The following ANKRD44 variants were observed in gnomAD, a reference collection of about 807,000 sequenced individuals.
The protein encoded by ANKRD44 is serine/threonine-protein phosphatase 6 regulatory ankyrin repeat subunit B.
A neutral mutation model predicts 116.0 loss-of-function variants in ANKRD44; 35 were observed. That is an observed-to-expected ratio of 0.30 (90% CI 0.23 to 0.40). The LOEUF (loss-of-function observed/expected upper bound fraction) is 0.40, where lower values mean the gene tolerates loss of function less well. Ranked by LOEUF, ANKRD44 falls within the 10% of genes least tolerant of loss-of-function variation. The probability of loss-of-function intolerance (pLI) is 1.00; values close to 1 mark genes in which losing one functional copy is unlikely to be tolerated. For synonymous variants in ANKRD44, 435 were observed against 461.8 expected, an observed-to-expected ratio of 0.94 and a Z score of 0.74; for missense variants, 1,014 against 1,242.6, an observed-to-expected ratio of 0.82 and a Z score of 2.77.
At chr2:197,009,389 C>A (rs1311087754) in intron 18 of ANKRD44, among the ~76,000 whole-genome samples, 5 of 147,372 alleles carry the variant, frequency 3.4e-5, no homozygotes, top group Non-Finnish European at 7.5e-5. Context: ...ACCAAGTGAC[C>A]TTCTGAGACA....
At position 197,122,785 on chromosome 2, in the gene ANKRD44, C is replaced by A. The variant is rs2078886978; in HGVS notation, c.558G>T (p.Leu186Phe). 1 of 1,612,960 alleles carries A rather than the reference C, an allele frequency of 6.2e-7. No individual in the cohort carries two copies. The change falls in exon 7 of 28, where the codon TTG (leucine) becomes TTT (phenylalanine). Residue 186 changes from leucine (L) to phenylalanine (F), a missense_variant. By Grantham distance (22) the Leu-to-Phe change is conservative (BLOSUM62 0). Coordinates refer to ENST00000282272, the MANE Select transcript of ANKRD44 (RefSeq NM_001195144.2). The stretch of plus-strand genomic sequence containing the variant: ...GGTTAATGAGCAATGCTACAACATC[C>A]AAGTGGCCTTTACAAACAAAGCAGC... ...ALHWAAYMGH[L>F]DVVALLINHG...
rs146367898 is a variant in ANKRD44, at chr2:197,095,516, G to C, written c.1100+4300C>G. Among the ~76,000 whole-genome samples the C allele has an allele frequency of 3.0e-3, 452 of 152,278 alleles. 1 individual carries two copies. The highest frequency in any genetic ancestry group is 5.2e-3 in the Non-Finnish European group (356 of 68,026). ...CTTGCAGTGTATATTGAACTCTAAA[G>C]AGCCTGCACCTCAGCCACCAGGACC... On this transcript the variant is annotated intron_variant, in intron 10 of 27. Coordinates refer to ENST00000282272, the MANE Select transcript of ANKRD44 (RefSeq NM_001195144.2).
Position 197,013,152 on chromosome 2 carries a change from CCTG to C in ANKRD44, c.1924+356_1924+358del, listed in dbSNP as rs1454350848. On this transcript the variant is annotated intron_variant, in intron 18 of 27. Transcript: ENST00000282272. ...ATATGAATATGAAATAGCCATAAAA[CCTG>C]CTATTGGTTTTATGCTTTCAAATAC... Among the ~76,000 whole-genome samples, 5 of 152,120 alleles carry C rather than the reference CCTG, an allele frequency of 3.3e-5. No homozygotes were observed. The East Asian group carries it at 9.6e-4, about 29-fold the overall frequency.
At chr2:197,067,272 C>T (rs1017496644) in intron 16 of ANKRD44, among the ~76,000 whole-genome samples, 26 of 152,114 alleles carry the variant, frequency 1.7e-4, no homozygotes, top group Non-Finnish European at 2.9e-4. Flanking sequence ...ACATCTTATA[C>T]AAAAATTAAT....
intron 3 of ANKRD44, 65 bp from the exon 4 acceptor site, chr2:197,136,727 C>T: frequency 7.3e-7 from 1 of 1,375,598 alleles, no homozygotes; most frequent in Non-Finnish European, 1.0e-6. Context: ...GACGTTAAAT[C>T]AAATGCTGTA....
intron 1 of ANKRD44, among the ~76,000 whole-genome samples, chr2:197,284,875 G>T (rs1004279986): frequency 2.9e-5 from 4 of 140,150 alleles, no homozygotes; most frequent in African/African-American, 7.7e-5. Context: ...AACAGAGCAA[G>T]ACTCCATCTC....
At chr2:197,033,686 T>C (rs1371617328) in intron 16 of ANKRD44, among the ~76,000 whole-genome samples, 1 of 151,622 alleles carries the variant, frequency 6.6e-6, no homozygotes, top group Non-Finnish European at 1.5e-5. Context: ...TTTTAAGTAT[T>C]TGGGTCTGTT....
rs2082246248 is a variant in ANKRD44, at chr2:197,248,578, G to GCA, written c.28-61473_28-61472insTG. Among the ~76,000 whole-genome samples the GCA allele has an allele frequency of 2.2e-4, 32 of 144,256 alleles. 1 individual carries two copies. The highest frequency in any genetic ancestry group is 8.1e-4 in the African/African-American group (30 of 37,260). The allele number at this position is 144,256 out of a possible 152,430, so 94.6% of individuals were successfully genotyped here. A position where few individuals can be genotyped will look rare whatever the true frequency, so the allele number is the denominator to read the frequency against. ...TATGTGTGTGTGTGTGTGTGTGTGT[G>GCA]TATATATATATATAAAGAGAGAGAT... On this transcript the variant is annotated intron_variant, in intron 1 of 27. Coordinates refer to ENST00000282272, the MANE Select transcript of ANKRD44 (RefSeq NM_001195144.2).
At chr2:197,157,438 G>A (rs2079847664) in intron 2 of ANKRD44, among the ~76,000 whole-genome samples, 1 of 152,134 alleles carries the variant, frequency 6.6e-6, no homozygotes, top group Non-Finnish European at 1.5e-5. Flanking sequence ...ATTTTGGGAG[G>A]CCAAGGTAGG....
At chr2:196,979,554 C>CCT (rs2075785197) in intron 21 of ANKRD44, among the ~76,000 whole-genome samples, 4 of 59,634 alleles carry the variant, frequency 6.7e-5, no homozygotes, top group African/African-American at 2.6e-4. Flanking sequence ...AATAAGATGA[C>CCT]TTTTTTTTTT....
At chr2:196,989,750 C>A in intron 27 of ANKRD44, 101 bp from the exon 28 acceptor site, 1 of 1,515,586 alleles carries the variant, frequency 6.6e-7, no homozygotes, top group Non-Finnish European at 8.9e-7. Context: ...CTACTTTCTG[C>A]TTTCACTTTT....
chr2:196,972,489 A>T (rs375023313), intron 21 of ANKRD44, among the ~76,000 whole-genome samples: 32 of 152,222 alleles, frequency 2.1e-4, no homozygotes, highest in African/African-American at 7.7e-4. Context: ...GGTGTTAGCC[A>T]CCATGCCTGG....
At chr2:197,285,664 G>A (rs547609980) in intron 1 of ANKRD44, among the ~76,000 whole-genome samples, 20 of 152,244 alleles carry the variant, frequency 1.3e-4, no homozygotes, top group South Asian at 2.1e-4. Flanking sequence ...GATTTGCACC[G>A]TTTGCTCATC....
chr2:197,261,810 C>T (rs993137207), intron 1 of ANKRD44, among the ~76,000 whole-genome samples: 2 of 152,142 alleles, frequency 1.3e-5, no homozygotes, highest in Non-Finnish European at 2.9e-5. Context: ...GAACATTTGT[C>T]ACATATCAAA....
chr2:196,999,077 T>C, intron 23 of ANKRD44, 25 bp from the exon 24 acceptor site: 9 of 1,610,924 alleles, frequency 5.6e-6, no homozygotes, highest in Non-Finnish European at 7.6e-6. Context: ...CAAGTATCAC[T>C]TTAGTTTCCT....
chr2:197,182,567 G>A (rs760827771), intron 2 of ANKRD44, among the ~76,000 whole-genome samples: 4 of 152,226 alleles, frequency 2.6e-5, no homozygotes, highest in Non-Finnish European at 4.4e-5. Flanking sequence ...CGATTGAGCA[G>A]ATGACAGTGA....
chr2:197,248,594 AG>A (rs2082248550), intron 1 of ANKRD44, among the ~76,000 whole-genome samples: 1 of 150,624 alleles, frequency 6.6e-6, no homozygotes. Flanking sequence ...ATATATATAA[AG>A]AGAGAGATTG....
At chr2:197,093,270 T>C (rs889896126) in intron 10 of ANKRD44, among the ~76,000 whole-genome samples, 1 of 152,038 alleles carries the variant, frequency 6.6e-6, no homozygotes, top group African/African-American at 2.4e-5. Context: ...AAGAAACCAA[T>C]TGGGAAAAAC....
chr2:197,128,012 G>A (rs2079015674), intron 4 of ANKRD44, among the ~76,000 whole-genome samples: 1 of 152,150 alleles, frequency 6.6e-6, no homozygotes, highest in Non-Finnish European at 1.5e-5. Context: ...TCCTTTTTAT[G>A]GCTGCATAGT....
Sources: allele counts gnomAD v4.1 joint callset (sites outside exome capture counted in the v4.1 genomes callset), GRCh38; gene constraint gnomAD v4.1.1; transcripts MANE v1.5; gene names NCBI Gene and HGNC (gene_info 2026-07-23, HGNC 2026-07-21).